EXOC6: variants seen among roughly 807,000 people sequenced by gnomAD.
The protein encoded by EXOC6 is exocyst complex component 6, also known as SEC15-like 1.
EXOC6 carries 60 observed loss-of-function variants against 112.5 expected under a neutral mutation model. That is an observed-to-expected ratio of 0.53 (90% confidence interval 0.43 to 0.66). The LOEUF (loss-of-function observed/expected upper bound fraction) is 0.66. Among genes scored for constraint, EXOC6 ranks in the 30% least tolerant of loss-of-function variants. The pLI is 0.00. For missense variants in EXOC6, 855 were observed against 957.1 expected (o/e 0.89, Z 1.41); for synonymous variants, 295 against 308.0 (o/e 0.96, Z 0.44).
rs4272731 is a variant in EXOC6, at chr10:93,031,364, A to G, written c.2169+17097A>G. On this transcript the variant is annotated intron_variant, in intron 20 of 21. Transcript: ENST00000260762. ...GGAATTATTTCTGAAGGTAAAGCCC[A>G]TTCTTTTTCATTTTTTAGTTGGTTT... 1.3e-4 allele frequency among the ~76,000 whole-genome samples: 20 copies of G among 152,198 alleles called. No individual in the cohort carries two copies. In the East Asian group the frequency reaches 3.7e-3, roughly 28 times the overall value.
At position 92,894,859 on chromosome 10, in the gene EXOC6, T is replaced by C; in HGVS notation, c.321+18T>C. On this transcript the variant is annotated intron_variant, in intron 3 of 21. Coordinates refer to ENST00000260762, the MANE Select transcript of EXOC6 (RefSeq NM_019053.6). ...GAAAAGAGGTGAGAAAATGATACTT[T>C]TCTGGGTATTCAGTATGTAGTTGTT... The C allele has an allele frequency of 6.2e-7, 1 of 1,613,062 alleles. No homozygotes were observed. The highest frequency in any genetic ancestry group is 8.5e-7 in the Non-Finnish European group (1 of 1,179,270).
intron 7 of EXOC6, among the ~76,000 whole-genome samples, chr10:92,919,765 G>A (rs994446686): frequency 3.9e-4 from 60 of 152,140 alleles, no homozygotes; most frequent in African/African-American, 1.4e-3. Flanking sequence ...ACAGTCCACA[G>A]TGATAATAAA....
intron 18 of EXOC6, among the ~76,000 whole-genome samples, chr10:92,974,542 TCGTCTCCCTCTCC>T (rs1842421812): frequency 6.6e-6 from 1 of 151,958 alleles, no homozygotes; most frequent in South Asian, 2.1e-4. Flanking sequence ...ACACAATTGC[TCGTCTCCCTCTCC>T]CGTCTCCCTC....
chr10:92,826,929 G>A (rs1846395932), exon 1 of EXOC6, among the ~76,000 whole-genome samples: 1 of 152,196 alleles, frequency 6.6e-6, no homozygotes, highest in Admixed American at 6.5e-5. Flanking sequence ...TGCAACTGAA[G>A]TGGAATGAAA....
intron 19 of EXOC6, among the ~76,000 whole-genome samples, chr10:93,001,827 T>C (rs533660439): frequency 1.3e-5 from 2 of 152,314 alleles, no homozygotes; most frequent in East Asian, 3.9e-4. Context: ...TACATGTCTC[T>C]AAATCTTCTG....
At chr10:92,970,703 T>C (rs527417487) in intron 17 of EXOC6, among the ~76,000 whole-genome samples, 45 of 152,346 alleles carry the variant, frequency 3.0e-4, no homozygotes, top group African/African-American at 1.0e-3. Context: ...AATGTCAGCT[T>C]TGTGTTGAAT....
At chr10:93,009,364 T>C (rs1393154714) in intron 19 of EXOC6, among the ~76,000 whole-genome samples, 1 of 152,212 alleles carries the variant, frequency 6.6e-6, no homozygotes, top group Non-Finnish European at 1.5e-5. Flanking sequence ...TTCCTTAGAA[T>C]TTATTTATGG....
upstream of EXOC6, chr10:92,834,569 CT>C: frequency 1.9e-6 from 1 of 523,414 alleles, no homozygotes; most frequent in Non-Finnish European, 3.4e-6. Flanking sequence ...GAAGCAAAGA[CT>C]TTTATAGCAT....
chr10:92,959,915 T>G (rs556578090), intron 17 of EXOC6, among the ~76,000 whole-genome samples: 1 of 152,334 alleles, frequency 6.6e-6, no homozygotes, highest in South Asian at 2.1e-4. Flanking sequence ...CTGGTGGGAA[T>G]GCAAAATGCT....
chr10:92,842,209 A>G lies in EXOC6; in HGVS notation c.86+7385A>G, dbSNP rs571229695. Among the ~76,000 whole-genome samples, 1,313 of 152,178 alleles carry G rather than the reference A, an allele frequency of 8.6e-3. 11 individuals carry two copies. The highest frequency in any genetic ancestry group is 0.012 in the Non-Finnish European group (832 of 68,002). On this transcript the variant is annotated intron_variant, in intron 1 of 21. Transcript: ENST00000371552. ...CCCTGTCTCTACTAAAAATACAAAA[A>G]TTAGCCGAGTGTGGTGGTGCACGCC...
In EXOC6 at chr10:92,904,613, A is replaced by G. The variant is rs1255466996; in HGVS notation, c.459-4814A>G. 2.0e-5 allele frequency among the ~76,000 whole-genome samples: 3 copies of G among 152,150 alleles called. No individual in the cohort carries two copies. The East Asian group carries it at 5.8e-4, about 29-fold the overall frequency. On this transcript the variant is annotated intron_variant, in intron 5 of 21. Coordinates refer to ENST00000260762, the MANE Select transcript of EXOC6 (RefSeq NM_019053.6). ...AGCGAGGTGTCCAAGTCTTTTGATC[A>G]CTTTTTAATTTGGTGGCTTATTTTT...
At chr10:92,850,225 A>G (rs2133622006) in intron 1 of EXOC6, among the ~76,000 whole-genome samples, 2 of 152,316 alleles carry the variant, frequency 1.3e-5, no homozygotes, top group South Asian at 4.1e-4. Flanking sequence ...AGATGAAATT[A>G]ACTTAGAAGA....
intron 17 of EXOC6, among the ~76,000 whole-genome samples, chr10:92,964,159 TAAAAC>T (rs1854172533): frequency 6.6e-6 from 1 of 151,756 alleles, no homozygotes; most frequent in Non-Finnish European, 1.5e-5. Context: ...AAGAAAATAA[TAAAAC>T]AAGAATATAA....
At chr10:92,998,305 G>A (rs1843587805) in intron 19 of EXOC6, among the ~76,000 whole-genome samples, 1 of 152,006 alleles carries the variant, frequency 6.6e-6, no homozygotes, top group African/African-American at 2.4e-5. Flanking sequence ...TCAAATAAGT[G>A]GTACACTGAT....
intron 17 of EXOC6, among the ~76,000 whole-genome samples, chr10:92,971,540 A>C (rs560894920): frequency 6.6e-6 from 1 of 151,658 alleles, no homozygotes; most frequent in South Asian, 2.1e-4. Context: ...ACGTGTGGCT[A>C]ATTTTTTGTA....
intron 18 of EXOC6, chr10:92,987,695 C>T (rs976135692): frequency 2.3e-6 from 2 of 858,254 alleles, no homozygotes; most frequent in Non-Finnish European, 1.4e-6. Context: ...AATGAATTTC[C>T]TGCAGGCTTA....
intron 1 of EXOC6, among the ~76,000 whole-genome samples, chr10:92,862,128 C>T (rs2133684666): frequency 6.6e-6 from 1 of 152,278 alleles, no homozygotes; most frequent in East Asian, 1.9e-4. Flanking sequence ...AAACCTTGTA[C>T]ACATTAAATA....
intron 13 of EXOC6, among the ~76,000 whole-genome samples, chr10:92,945,525 G>T (rs1452712225): frequency 1.3e-5 from 2 of 152,062 alleles, no homozygotes; most frequent in Non-Finnish European, 2.9e-5. Context: ...ACTTATACAC[G>T]TTTATAGAAT....
chr10:92,914,891 C>T (rs976875980), intron 6 of EXOC6, among the ~76,000 whole-genome samples: 2 of 152,194 alleles, frequency 1.3e-5, no homozygotes, highest in African/African-American at 4.8e-5. Flanking sequence ...AATTAAAATC[C>T]TGGAATTAAG....
Sources: gnomAD v4.1 joint callset for allele counts (sites outside exome capture counted in the v4.1 genomes callset) on GRCh38, gnomAD v4.1.1 for gene constraint, MANE v1.5 for transcripts, NCBI Gene and HGNC (gene_info 2026-07-23, HGNC 2026-07-21) for gene names.